PDE11A: variants seen among roughly 807,000 people sequenced by gnomAD.
The protein encoded by PDE11A is phosphodiesterase 11A, also known as dual 3',5'-cyclic-AMP and -GMP phosphodiesterase 11A.
Under a neutral mutation model 100.5 loss-of-function variants are expected in PDE11A, and 100 were observed. That is an observed-to-expected ratio of 1.00 (90% CI 0.85 to 1.18). PDE11A has a LOEUF of 1.18. Ranked by LOEUF, PDE11A falls within the 50% of genes most tolerant of loss-of-function variation. The pLI is 0.00. For synonymous variants in PDE11A, 381 were observed against 420.8 expected (o/e 0.91, Z 1.16); for missense variants, 1,141 against 1,152.6 (o/e 0.99, Z 0.15).
In PDE11A at chr2:177,629,438, C is replaced by T. The variant is rs1287056702; in HGVS notation, c.2771G>A (p.Ser924Asn). The change falls in exon 20 of 20, where the codon AGT (serine) becomes AAT (asparagine). Residue 924 changes from serine to asparagine, a missense_variant. By Grantham distance (46) the Ser-to-Asn change is conservative. Transcript: ENST00000286063. Reference protein sequence around the residue: ...LASTASSSPASVMVAKEDRN With the variant: ...LASTASSSPANVMVAKEDRN ...CCTGTCTTCCTTGGCTACCATAACACTGGCAGGGGAGGATGAGGCAGTTGA... is the reference window on the plus strand; with the variant it reads ...CCTGTCTTCCTTGGCTACCATAACATTGGCAGGGGAGGATGAGGCAGTTGA... 2 of 1,553,066 alleles carry T rather than the reference C, an allele frequency of 1.3e-6. No homozygotes were observed. Among genetic ancestry groups the T allele is most frequent in the African/African-American group, 2.8e-5 (2 of 70,972 alleles).
At chr2:178,042,116 C>T (rs141388607) in intron 1 of PDE11A, among the ~76,000 whole-genome samples, 2 of 152,260 alleles carry the variant, frequency 1.3e-5, no homozygotes, top group African/African-American at 4.8e-5. Context: ...CTTATGCAGC[C>T]TCAGCTGGCT....
chr2:177,962,117 A>G (rs868703805), intron 2 of PDE11A, among the ~76,000 whole-genome samples: 11 of 151,344 alleles, frequency 7.3e-5, no homozygotes, highest in Middle Eastern at 3.4e-3. Flanking sequence ...ATTATCTCAC[A>G]TATCTCAGTT....
chr2:177,643,559 A>G (rs1470376498), intron 19 of PDE11A, among the ~76,000 whole-genome samples: 1 of 152,212 alleles, frequency 6.6e-6, no homozygotes, highest in African/African-American at 2.4e-5. Flanking sequence ...CACAGCATAA[A>G]AGTTTGGAAA....
In PDE11A at chr2:177,817,869, G is replaced by C. The variant is rs374570863; in HGVS notation, c.1633C>G (p.Arg545Gly). The C allele has an allele frequency of 6.6e-7, 1 of 1,505,648 alleles. No individual in the cohort carries two copies. Among genetic ancestry groups the C allele is most frequent in the Non-Finnish European group, 9.2e-7 (1 of 1,083,254 alleles). 93.3% of individuals were successfully genotyped at this position (1,505,648 alleles called of 1,614,324 possible). A position where few individuals can be genotyped will look rare whatever the true frequency, so the allele number is the denominator to read the frequency against. ...ATTTATTTTCTTACCTCAAAAAGTC[G>C]TTGATCTGCATCATCAAAAGGTTTC... ...DGKPFDDADQRLFEAFVIFCG... is the reference protein window; with the variant it reads ...DGKPFDDADQGLFEAFVIFCG... The change falls in exon 8 of 20, where the codon CGA (arginine) becomes GGA (glycine). Residue 545 changes from arginine to glycine, a missense_variant. By Grantham distance (125) the Arg-to-Gly change is moderately radical (BLOSUM62 -2). Transcript: ENST00000286063.
Position 177,626,201 on chromosome 2 carries a change from TA to T in PDE11A, c.*3205del. 1 of 152,750 alleles carries T rather than the reference TA, an allele frequency of 6.5e-6. No individual in the cohort carries two copies. Among genetic ancestry groups the T allele is most frequent in the Non-Finnish European group, 1.5e-5 (1 of 68,034 alleles). The allele number at this position is 152,750 out of a possible 1,614,324, so 9.5% of individuals were successfully genotyped here. A position where few individuals can be genotyped will look rare whatever the true frequency, so the allele number is the denominator to read the frequency against. On this transcript the variant is annotated 3_prime_UTR_variant, in exon 20 of 20. Coordinates refer to ENST00000286063, the MANE Select transcript of PDE11A (RefSeq NM_016953.4). ...TTTATGCTATAAATTATGTTCCCCT[TA>T]GCAATATGTAGCATCAATGTTCAGG... is the stretch of plus-strand genomic sequence containing the variant.
At chr2:177,961,937 A>G (rs1406872179) in intron 2 of PDE11A, among the ~76,000 whole-genome samples, 1 of 151,212 alleles carries the variant, frequency 6.6e-6, no homozygotes, top group Non-Finnish European at 1.5e-5. Context: ...TGCACCTGTA[A>G]TTTCAGCTAC....
chr2:178,068,777 G>A (rs2087084842), intron 1 of PDE11A, among the ~76,000 whole-genome samples: 1 of 152,000 alleles, frequency 6.6e-6, no homozygotes, highest in Non-Finnish European at 1.5e-5. Context: ...CTAGAACTGG[G>A]GAAGGATGCA....
chr2:178,020,713 G>A (rs1355309716), intron 1 of PDE11A, among the ~76,000 whole-genome samples: 2 of 151,990 alleles, frequency 1.3e-5, no homozygotes, highest in South Asian at 2.1e-4. Flanking sequence ...CAGGAAAATC[G>A]ATTGAACCCG....
chr2:177,665,832 C>G (rs1918346), intron 18 of PDE11A, among the ~76,000 whole-genome samples: 129,268 of 149,606 alleles, frequency 0.86, 55,923 homozygotes, highest in East Asian at 0.98. Flanking sequence ...ACTCCAGCCT[C>G]GGCGACAGAG....
chr2:177,873,732 A>G (rs1016909594), intron 5 of PDE11A, among the ~76,000 whole-genome samples: 1 of 152,150 alleles, frequency 6.6e-6, no homozygotes. Context: ...TATAATTTTG[A>G]TGTTTTAAGA....
chr2:177,894,985 A>G (rs2084587570), intron 4 of PDE11A, among the ~76,000 whole-genome samples: 1 of 152,148 alleles, frequency 6.6e-6, no homozygotes, highest in African/African-American at 2.4e-5. Context: ...CCAAACTGTG[A>G]TCCAACTACC....
At chr2:178,108,323 G>A (rs1005987061) in exon 1 of PDE11A, 3 of 151,808 alleles carry the variant, frequency 2.0e-5, no homozygotes, top group South Asian at 2.1e-4. Context: ...AGCACCTCAC[G>A]CCCTGGGCTG....
intron 2 of PDE11A, among the ~76,000 whole-genome samples, chr2:178,086,776 C>T (rs2087362511): frequency 1.3e-5 from 2 of 152,100 alleles, no homozygotes; most frequent in Admixed American, 6.6e-5. Flanking sequence ...CTGGCCAGAA[C>T]CCCACATAAA....
At chr2:177,834,637 G>T (rs2083364162) in intron 6 of PDE11A, among the ~76,000 whole-genome samples, 1 of 152,124 alleles carries the variant, frequency 6.6e-6, no homozygotes, top group African/African-American at 2.4e-5. Flanking sequence ...CCCTTCCCCT[G>T]GCCAAGGGGT....
rs2079856179 is a variant in PDE11A, at chr2:177,627,625, C to T, written c.*1782G>A. On this transcript the variant is annotated 3_prime_UTR_variant, in exon 20 of 20. Coordinates refer to ENST00000286063, the MANE Select transcript of PDE11A (RefSeq NM_016953.4). ...CTTTCGGAGGCAGAGGTGGGTGGCT[C>T]ACCTGAGGTCAGGAGTTTGAGATCA... The T allele has an allele frequency of 6.6e-6, 1 of 152,102 alleles. No homozygotes were observed. Among genetic ancestry groups the T allele is most frequent in the Admixed American group, 6.5e-5 (1 of 15,274 alleles). The allele number at this position is 152,102 out of a possible 1,614,324, so 9.4% of individuals were successfully genotyped here. A position where few individuals can be genotyped will look rare whatever the true frequency, so the allele number is the denominator to read the frequency against.
chr2:177,877,396 C>T (rs556521219), intron 4 of PDE11A, among the ~76,000 whole-genome samples: 1 of 152,062 alleles, frequency 6.6e-6, no homozygotes, highest in African/African-American at 2.4e-5. Flanking sequence ...AATTCCTCAC[C>T]CCAGATGAGG....
At chr2:177,771,699 A>T (rs1426245871) in intron 9 of PDE11A, among the ~76,000 whole-genome samples, 1 of 152,254 alleles carries the variant, frequency 6.6e-6, no homozygotes, top group East Asian at 1.9e-4. Flanking sequence ...AGTAAAATTC[A>T]TAGGTATATT....
At chr2:178,104,591 C>T in intron 1 of PDE11A, 2 of 818,442 alleles carry the variant, frequency 2.4e-6, no homozygotes, top group Non-Finnish European at 3.9e-6. Context: ...TGATGTTAAA[C>T]AAAAACATAT....
At chr2:177,682,243 C>G (rs1301714102) in intron 15 of PDE11A, among the ~76,000 whole-genome samples, 5 of 152,212 alleles carry the variant, frequency 3.3e-5, no homozygotes, top group African/African-American at 1.2e-4. Flanking sequence ...AAGCCACTCC[C>G]CACTTCAAGA....
Sources: allele counts gnomAD v4.1 joint callset (sites outside exome capture counted in the v4.1 genomes callset), GRCh38; gene constraint gnomAD v4.1.1; transcripts MANE v1.5; gene names NCBI Gene and HGNC (gene_info 2026-07-23, HGNC 2026-07-21).